Variants in AOAH observed in about 807,000 individuals in gnomAD.
The protein encoded by AOAH is acyloxyacyl hydrolase (neutrophil).
AOAH carries 64 observed loss-of-function variants against 92.2 expected under a neutral mutation model. The ratio of observed to expected loss-of-function variants is 0.69; its 90% CI spans 0.57 to 0.86. The LOEUF is 0.86. Among genes scored for constraint, AOAH ranks in the 40% least tolerant of loss-of-function variants. The pLI, the probability that AOAH is intolerant of heterozygous loss-of-function variation, is 0.00. For synonymous variants in AOAH, 263 were observed against 254.5 expected (o/e 1.03, Z -0.32); for missense variants, 656 against 694.6 (o/e 0.94, Z 0.62).
At chr7:36,648,971 G>A (rs1453588826) in intron 4 of AOAH, among the ~76,000 whole-genome samples, 2 of 152,066 alleles carry the variant, frequency 1.3e-5, no homozygotes, top group Non-Finnish European at 2.9e-5. Flanking sequence ...TTTGAATTTT[G>A]ATTTTTTCTC....
intron 1 of AOAH, among the ~76,000 whole-genome samples, chr7:36,707,132 C>T (rs939458493): frequency 1.3e-5 from 2 of 151,096 alleles, no homozygotes; most frequent in African/African-American, 4.9e-5. Flanking sequence ...TAATTTCTGG[C>T]TTTTGATTTA....
At chr7:36,623,820 C>T (rs1792452584) in intron 6 of AOAH, among the ~76,000 whole-genome samples, 1 of 152,134 alleles carries the variant, frequency 6.6e-6, no homozygotes, top group Non-Finnish European at 1.5e-5. Flanking sequence ...CTGTGGAATC[C>T]TCACCACCAG....
At position 36,593,339 on chromosome 7, in the gene AOAH, C is replaced by G. The variant is rs184406718; in HGVS notation, c.938+1000G>C. Among the ~76,000 whole-genome samples, 207 of 152,312 alleles carry G rather than the reference C, an allele frequency of 1.4e-3. 4 individuals are homozygous for G. In the East Asian group the frequency reaches 0.028, roughly 20 times the overall value. ...TAAATTATTCATGGCACACAATGTT[C>G]TTTGTTCATCAGAATAATTGCTTGT... On this transcript the variant is annotated intron_variant, in intron 12 of 20. Transcript: ENST00000617537.
chr7:36,532,406 C>G, intron 16 of AOAH, 62 bp from the exon 17 acceptor site: 2 of 1,505,068 alleles, frequency 1.3e-6, no homozygotes, highest in Non-Finnish European at 1.8e-6. Context: ...TTAGAGGCAC[C>G]TGGGGGCTTC....
At chr7:36,523,251 C>T (rs1784204421) in intron 19 of AOAH, among the ~76,000 whole-genome samples, 1 of 152,222 alleles carries the variant, frequency 6.6e-6, no homozygotes, top group East Asian at 1.9e-4. Flanking sequence ...TATTATGCTT[C>T]TGGGTTTTAC....
At chr7:36,687,481 T>A (rs1797107893) in intron 1 of AOAH, among the ~76,000 whole-genome samples, 1 of 152,154 alleles carries the variant, frequency 6.6e-6, no homozygotes, top group Admixed American at 6.5e-5. Context: ...AGGCTGACAT[T>A]CCTAGAAGAT....
At chr7:36,517,156 G>GTCTTTCTTTCTTTCTTTCTCTCTTTCTT (rs1562853505) in intron 20 of AOAH, among the ~76,000 whole-genome samples, 99 of 95,496 alleles carry the variant, frequency 1.0e-3, no homozygotes, top group African/African-American at 1.2e-3. Context: ...ATCCATGTTA[G>GTCTTTCTTTCTTTCTTTCTCTCTTTCTT]TCTTTCTTTC....
intron 13 of AOAH, among the ~76,000 whole-genome samples, chr7:36,571,799 G>C (rs116735338): frequency 3.5e-3 from 531 of 152,132 alleles, no homozygotes; most frequent in African/African-American, 0.012. Context: ...CTAAATCTAG[G>C]AGCCACAGGC....
At chr7:36,646,064 C>T (rs1200993431) in intron 4 of AOAH, among the ~76,000 whole-genome samples, 1 of 152,166 alleles carries the variant, frequency 6.6e-6, no homozygotes. Context: ...CATTATTATT[C>T]ATTGATTTTA....
At chr7:36,546,972 A>G (rs2099882237) in intron 15 of AOAH, among the ~76,000 whole-genome samples, 1 of 152,246 alleles carries the variant, frequency 6.6e-6, no homozygotes, top group Non-Finnish European at 1.5e-5. Flanking sequence ...GACAGTGTGG[A>G]CTATAGACAG....
chr7:36,711,958 G>A (rs560746910), intron 1 of AOAH, among the ~76,000 whole-genome samples: 2 of 152,178 alleles, frequency 1.3e-5, no homozygotes, highest in Non-Finnish European at 2.9e-5. Context: ...ACAGAGGAGG[G>A]AAGGAAGAGG....
intron 9 of AOAH, among the ~76,000 whole-genome samples, chr7:36,620,357 G>A (rs977903177): frequency 4.6e-5 from 7 of 151,888 alleles, no homozygotes; most frequent in East Asian, 1.9e-4. Flanking sequence ...GTGAGTGGTC[G>A]GGTAAATACT....
At chr7:36,653,524 C>T (rs144163570) in intron 4 of AOAH, among the ~76,000 whole-genome samples, 17 of 152,260 alleles carry the variant, frequency 1.1e-4, no homozygotes, top group African/African-American at 4.1e-4. Context: ...ATATGATTCC[C>T]TGTGCATACA....
chr7:36,643,598 G>T (rs1378422953), intron 4 of AOAH, among the ~76,000 whole-genome samples: 2 of 152,114 alleles, frequency 1.3e-5, no homozygotes, highest in Non-Finnish European at 2.9e-5. Flanking sequence ...TTGTGCAGTT[G>T]TTCATTCTAT....
intron 2 of AOAH, among the ~76,000 whole-genome samples, chr7:36,678,766 C>G (rs1796463881): frequency 1.3e-5 from 2 of 152,104 alleles, no homozygotes; most frequent in Admixed American, 1.3e-4. Context: ...GAAATGCTCT[C>G]TGAGAGCTAA....
At chr7:36,679,652 AG>A (rs2116711369) in intron 2 of AOAH, among the ~76,000 whole-genome samples, 1 of 151,988 alleles carries the variant, frequency 6.6e-6, no homozygotes, top group East Asian at 1.9e-4. Flanking sequence ...AGTGCCACCA[AG>A]GGACCACATA....
chr7:36,538,152 T>C (rs1401339784), intron 16 of AOAH, among the ~76,000 whole-genome samples: 4 of 151,870 alleles, frequency 2.6e-5, no homozygotes, highest in Non-Finnish European at 5.9e-5. Flanking sequence ...TTCAGTCTCC[T>C]GAGTAGTTGG....
intron 11 of AOAH, among the ~76,000 whole-genome samples, chr7:36,616,039 G>A (rs941865501): frequency 1.3e-5 from 2 of 152,144 alleles, no homozygotes; most frequent in Admixed American, 6.5e-5. Context: ...TTGCTCAGAC[G>A]AAAAACAAGC....
intron 16 of AOAH, among the ~76,000 whole-genome samples, chr7:36,538,653 G>A (rs1300032264): frequency 6.6e-6 from 1 of 152,144 alleles, no homozygotes; most frequent in Non-Finnish European, 1.5e-5. Context: ...AATCAGTTGA[G>A]GGCAGATGTA....
Sources: gnomAD v4.1 joint callset for allele counts (sites outside exome capture counted in the v4.1 genomes callset) on GRCh38, gnomAD v4.1.1 for gene constraint, MANE v1.5 for transcripts, NCBI Gene and HGNC (gene_info 2026-07-23, HGNC 2026-07-21) for gene names.